The following NFATC2 variants were observed in gnomAD, a reference collection of about 807,000 sequenced individuals.
NFATC2 encodes nuclear factor of activated T-cells, cytoplasmic 2.
In NFATC2, 22 loss-of-function variants were observed where a neutral mutation model predicts 87.3. The observed-to-expected ratio is 0.25, with a 90% CI of 0.18 to 0.36. The LOEUF is 0.36. Among genes scored for constraint, NFATC2 ranks in the 10% least tolerant of loss-of-function variants. NFATC2 has a pLI of 1.00. For missense variants in NFATC2, 1,149 were observed against 1,259.1 expected (o/e 0.91, Z 1.32); for synonymous variants, 565 against 542.2 (o/e 1.04, Z -0.58).
At chr20:51,447,294 T>C (rs1985189999) in intron 6 of NFATC2, among the ~76,000 whole-genome samples, 1 of 152,148 alleles carries the variant, frequency 6.6e-6, no homozygotes, top group African/African-American at 2.4e-5. Flanking sequence ...ATCAGACCGT[T>C]CCAAGAAAAT....
At chr20:51,506,239 GTGAGGCTCAA>G (rs1167582217) in intron 3 of NFATC2, among the ~76,000 whole-genome samples, 2 of 152,212 alleles carry the variant, frequency 1.3e-5, no homozygotes, top group Non-Finnish European at 2.9e-5. Flanking sequence ...GTTGGGGAAG[GTGAGGCTCAA>G]TGCCTCTGAG....
intron 6 of NFATC2, among the ~76,000 whole-genome samples, chr20:51,437,547 T>G (rs1429973989): frequency 6.6e-6 from 1 of 152,164 alleles, no homozygotes; most frequent in Non-Finnish European, 1.5e-5. Context: ...AATCTGGACT[T>G]CAAGCGTTCT....
Position 51,474,658 on chromosome 20 carries a change from T to C in NFATC2, c.1536-506A>G, listed in dbSNP as rs1988538937. On this transcript the variant is annotated intron_variant, in intron 4 of 10. Transcript: ENST00000371564. ...AGCACAGGTGAAGCATGTTAACGCC[T>C]GGGAAAGCCGAGGGGGCAGGATTCA... 2.0e-5 allele frequency among the ~76,000 whole-genome samples: 3 copies of C among 152,336 alleles called. No individual in the cohort carries two copies. The South Asian group carries it at 6.2e-4, about 32-fold the overall frequency.
In NFATC2 at chr20:51,524,821, A is replaced by G. The variant is rs2076517279; in HGVS notation, c.131-711T>C. On this transcript the variant is annotated intron_variant, in intron 1 of 10. Coordinates refer to ENST00000371564, the MANE Select transcript of NFATC2 (RefSeq NM_012340.5). The surrounding 1 kb of genome is among the most constrained non-coding windows in gnomAD (Gnocchi z 4.0). ...CCCAGAGCGGGGAAAAGGCCCACCG[A>G]AAGATACGGAATTAGCAGGCTTAAA... Among the ~76,000 whole-genome samples the G allele has an allele frequency of 6.6e-6, 1 of 152,200 alleles. No homozygotes were observed. Among genetic ancestry groups the G allele is most frequent in the Admixed American group, 6.5e-5 (1 of 15,286 alleles).
rs558952310 is a variant in NFATC2, at chr20:51,517,027, C to T, written c.1161-72G>A. The T allele has an allele frequency of 6.6e-4, 957 of 1,439,744 alleles. 1 individual carries two copies. Among genetic ancestry groups the T allele is most frequent in the Non-Finnish European group, 8.2e-4 (871 of 1,062,258 alleles). 89.2% of individuals were successfully genotyped at this position (1,439,744 alleles called of 1,614,324 possible). On this transcript the variant is annotated intron_variant, in intron 2 of 10. Transcript: ENST00000371564. ...AGTCAACTTGTACAATAATTGTAAA[C>T]GGCCCTTTCTGAAAATCATGGATAC...
intron 3 of NFATC2, among the ~76,000 whole-genome samples, chr20:51,516,295 CAG>C (rs975706095): frequency 4.6e-5 from 7 of 152,120 alleles, no homozygotes; most frequent in African/African-American, 1.4e-4. Context: ...TATATGGTAA[CAG>C]AGGCTGGCGT....
At chr20:51,452,693 C>T (rs2146420166) in intron 6 of NFATC2, among the ~76,000 whole-genome samples, 1 of 152,322 alleles carries the variant, frequency 6.6e-6, no homozygotes. Context: ...CTCAGCTGGC[C>T]AAGTGCACCA....
intron 3 of NFATC2, among the ~76,000 whole-genome samples, chr20:51,491,618 A>G (rs2075885986): frequency 2.0e-5 from 3 of 152,088 alleles, no homozygotes; most frequent in Admixed American, 2.0e-4. Flanking sequence ...CGCCATGTGG[A>G]TACACGGATG....
chr20:51,549,270 G>A (rs540880849), intron 1 of NFATC2, among the ~76,000 whole-genome samples: 1 of 151,904 alleles, frequency 6.6e-6, no homozygotes, highest in Non-Finnish European at 1.5e-5. Flanking sequence ...TTTTTTGTTT[G>A]TTTGTTTGTT....
chr20:51,481,188 G>C (rs1381254885), intron 3 of NFATC2, among the ~76,000 whole-genome samples: 1 of 152,210 alleles, frequency 6.6e-6, no homozygotes, highest in East Asian at 1.9e-4. Flanking sequence ...TTGATGAGAA[G>C]AACAGATAGC....
intron 9 of NFATC2, among the ~76,000 whole-genome samples, chr20:51,418,716 G>T (rs1465756529): frequency 6.9e-6 from 1 of 144,948 alleles, no homozygotes; most frequent in Non-Finnish European, 1.5e-5. Context: ...AGGCTGGAGT[G>T]CAGTGGTACG....
At chr20:51,511,843 G>A (rs1452376204) in intron 3 of NFATC2, among the ~76,000 whole-genome samples, 1 of 152,150 alleles carries the variant, frequency 6.6e-6, no homozygotes, top group East Asian at 1.9e-4. Context: ...TCAGAATCAA[G>A]TTCCTCCTCT....
chr20:51,483,113 T>A (rs1196858027), intron 3 of NFATC2, among the ~76,000 whole-genome samples: 3 of 152,016 alleles, frequency 2.0e-5, no homozygotes, highest in African/African-American at 7.2e-5. Flanking sequence ...TGCCTGTGGA[T>A]CCCTGCAGCC....
At chr20:51,424,167 G>A (rs1207401418) in intron 9 of NFATC2, among the ~76,000 whole-genome samples, 1 of 152,200 alleles carries the variant, frequency 6.6e-6, no homozygotes, top group East Asian at 1.9e-4. Context: ...TCTTCCAACA[G>A]CAACTCTTGC....
chr20:51,542,758 G>GT (rs2076845325), upstream of NFATC2: 2 of 276,770 alleles, frequency 7.2e-6, no homozygotes, highest in Admixed American at 7.4e-5. Flanking sequence ...GCGGGGGGGG[G>GT]GGGGGCGTGG....
At chr20:51,498,977 A>G (rs1449240232) in intron 3 of NFATC2, among the ~76,000 whole-genome samples, 1 of 152,112 alleles carries the variant, frequency 6.6e-6, no homozygotes, top group African/African-American at 2.4e-5. Flanking sequence ...GCAGGAGCCT[A>G]CCTGGAGTGT....
In NFATC2 at chr20:51,396,038, GTATATATATATATATATA is replaced by G. The variant is rs1161908517; in HGVS notation, c.*44+2587_*44+2604del. Among the ~76,000 whole-genome samples the G allele has an allele frequency of 9.7e-3, 207 of 21,252 alleles. 1 individual carries two copies. The highest frequency in any genetic ancestry group is 0.058 in the East Asian group (38 of 656). 13.9% of individuals were successfully genotyped at this position (21,252 alleles called of 152,430 possible). On this transcript the variant is annotated intron_variant, in intron 10 of 10. Coordinates refer to ENST00000371564, the MANE Select transcript of NFATC2 (RefSeq NM_012340.5). Reference sequence around the variant, plus strand: ...GCTGTAGTTTGTCAGCTCCTAGTATGTATATATATATATATATATATATATATATATATATATATATAT... The same window carrying G: ...GCTGTAGTTTGTCAGCTCCTAGTATGTATATATATATATATATATATATAT...
At chr20:51,453,211 G>T (rs1986013986) in intron 6 of NFATC2, among the ~76,000 whole-genome samples, 1 of 152,256 alleles carries the variant, frequency 6.6e-6, no homozygotes, top group Non-Finnish European at 1.5e-5. Context: ...CACATGTCCA[G>T]CCCATCCCAG....
chr20:51,532,970 G>T (rs776420047), intron 1 of NFATC2, among the ~76,000 whole-genome samples: 1 of 152,216 alleles, frequency 6.6e-6, no homozygotes, highest in Non-Finnish European at 1.5e-5. Flanking sequence ...CTGATCCCTG[G>T]CCAAGCTGAT....
Sources: allele counts gnomAD v4.1 joint callset (sites outside exome capture counted in the v4.1 genomes callset), GRCh38; gene constraint gnomAD v4.1.1; non-coding constraint Gnocchi (gnomAD v3.1); transcripts MANE v1.5; gene names NCBI Gene and HGNC (gene_info 2026-07-23, HGNC 2026-07-21).